XRN2: variants seen among roughly 807,000 people sequenced by gnomAD.
XRN2 encodes DHM1-like protein.
In XRN2, 44 loss-of-function variants were observed where a neutral mutation model predicts 138.5. That is an observed-to-expected ratio of 0.32 (90% CI 0.25 to 0.41). The LOEUF (loss-of-function observed/expected upper bound fraction) is 0.41, where lower values mean the gene tolerates loss of function less well. Among genes scored for constraint, XRN2 ranks in the 10% least tolerant of loss-of-function variants. The pLI is 1.00. For missense variants in XRN2, 937 were observed against 1,169.3 expected (o/e 0.80, Z 2.90); for synonymous variants, 354 against 369.4 (o/e 0.96, Z 0.48).
intron 26 of XRN2, among the ~76,000 whole-genome samples, chr20:21,366,185 T>C (rs2038699666): frequency 7.8e-6 from 1 of 127,634 alleles, no homozygotes; most frequent in South Asian, 2.2e-4. Flanking sequence ...TATAAATATA[T>C]ATTATATTTA....
intron 13 of XRN2, among the ~76,000 whole-genome samples, chr20:21,335,374 AT>A (rs1290083788): frequency 1.3e-5 from 2 of 152,208 alleles, no homozygotes; most frequent in Non-Finnish European, 2.9e-5. Flanking sequence ...AACAACATAT[AT>A]TACTGCTACA....
chr20:21,377,332 G>A (rs1049393449), intron 27 of XRN2, among the ~76,000 whole-genome samples: 4 of 140,006 alleles, frequency 2.9e-5, no homozygotes, highest in African/African-American at 8.3e-5. Flanking sequence ...ATCTCAGCTC[G>A]CTATACCTCT....
At chr20:21,322,507 C>T (rs1035719563) in intron 1 of XRN2, among the ~76,000 whole-genome samples, 3 of 152,094 alleles carry the variant, frequency 2.0e-5, no homozygotes, top group Non-Finnish European at 4.4e-5. Flanking sequence ...ACTCCTGTTG[C>T]CCTGGAACCT....
At chr20:21,347,524 C>T (rs1600698172) in intron 17 of XRN2, among the ~76,000 whole-genome samples, 1 of 152,182 alleles carries the variant, frequency 6.6e-6, no homozygotes, top group Admixed American at 6.5e-5. Flanking sequence ...ACTCTGTTTG[C>T]GTTTTACTCC....
In XRN2 at chr20:21,303,433, G is replaced by A. The variant is rs745502186; in HGVS notation, c.35G>A (p.Arg12His). Residue 12 changes from arginine (R) to histidine (H), a missense_variant, in exon 1 of 30, where the codon CGC (arginine) becomes CAC (histidine). Physicochemically the swap from Arg to His is conservative, Grantham distance 29. Transcript: ENST00000377191. The part of the protein sequence containing the change: ...GVPAFFRWLS[R>H]KYPSIIVNCV... ...CCGGCGTTCTTCCGCTGGCTCAGCC[G>A]CAAGTACCCGTCCATCATAGTCAAC... The A allele has an allele frequency of 5.2e-6, 8 of 1,548,512 alleles. No individual in the cohort carries two copies. The highest frequency in any genetic ancestry group is 1.4e-5 in the African/African-American group (1 of 72,592).
chr20:21,374,063 GAATT>G (rs1354921496), intron 27 of XRN2, among the ~76,000 whole-genome samples: 2 of 152,112 alleles, frequency 1.3e-5, no homozygotes, highest in Non-Finnish European at 2.9e-5. Context: ...AGGACAAAAA[GAATT>G]AATACTATAT....
intron 27 of XRN2, among the ~76,000 whole-genome samples, chr20:21,378,763 C>A (rs2038851964): frequency 6.6e-6 from 1 of 152,138 alleles, no homozygotes; most frequent in Non-Finnish European, 1.5e-5. Context: ...TAATCATTTT[C>A]TTCGTGTAGT....
chr20:21,337,630 C>T (rs770643143), intron 13 of XRN2, among the ~76,000 whole-genome samples: 6 of 152,176 alleles, frequency 3.9e-5, no homozygotes, highest in Admixed American at 6.5e-5. Context: ...GGAGCACCAA[C>T]ATTAACTCAT....
At chr20:21,342,234 C>T (rs2038381355) in intron 15 of XRN2, among the ~76,000 whole-genome samples, 1 of 152,062 alleles carries the variant, frequency 6.6e-6, no homozygotes, top group South Asian at 2.1e-4. Context: ...GGGTTGTAGT[C>T]TCTAATACTT....
chr20:21,327,335 G>C (rs1258571359), intron 3 of XRN2, among the ~76,000 whole-genome samples: 1 of 152,140 alleles, frequency 6.6e-6, no homozygotes, highest in Non-Finnish European at 1.5e-5. Flanking sequence ...CTCTATTAGG[G>C]GGGTAAGGTA....
chr20:21,310,869 C>T (rs574969311), intron 1 of XRN2, among the ~76,000 whole-genome samples: 3 of 152,114 alleles, frequency 2.0e-5, no homozygotes, highest in South Asian at 2.1e-4. Context: ...CTCAGCCTTC[C>T]GAGTAGCTGG....
At chr20:21,321,802 A>G (rs1254207636) in intron 1 of XRN2, among the ~76,000 whole-genome samples, 1 of 152,168 alleles carries the variant, frequency 6.6e-6, no homozygotes, top group African/African-American at 2.4e-5. Context: ...TACCAGTTTC[A>G]CTGGGGAGCA....
intron 28 of XRN2, among the ~76,000 whole-genome samples, 161 bp from the exon 29 acceptor site, chr20:21,386,707 G>C (rs570699347): frequency 3.3e-5 from 5 of 152,154 alleles, no homozygotes; most frequent in Non-Finnish European, 5.9e-5. Context: ...AGATTATACT[G>C]GATATAAGGG....
intron 13 of XRN2, among the ~76,000 whole-genome samples, chr20:21,338,257 C>CA (rs2038323438): frequency 6.6e-6 from 1 of 152,122 alleles, no homozygotes; most frequent in Admixed American, 6.5e-5. Context: ...CCTTGATACT[C>CA]AGGGAAACTT....
At chr20:21,356,550 CT>C (rs780784442) in intron 22 of XRN2, 35 bp from the exon 23 acceptor site, 2 of 1,582,814 alleles carry the variant, frequency 1.3e-6, no homozygotes, top group Non-Finnish European at 1.7e-6. Context: ...GTTTTCCATT[CT>C]TTGCATATGA....
intron 20 of XRN2, among the ~76,000 whole-genome samples, chr20:21,353,282 G>A (rs2038535495): frequency 7.1e-6 from 1 of 140,290 alleles, no homozygotes; most frequent in Admixed American, 7.2e-5. Context: ...AATGTAGTGG[G>A]TAGAAAACAA....
Position 21,333,579 on chromosome 20 carries a change from A to G in XRN2, c.894A>G (p.Glu298=), listed in dbSNP as rs199788463. The G allele has an allele frequency of 1.9e-6, 3 of 1,613,732 alleles. No individual in the cohort carries two copies. Among genetic ancestry groups the G allele is most frequent in the Admixed American group, 1.7e-5 (1 of 60,022 alleles). The stretch of plus-strand genomic sequence containing the variant: ...TTGCCGATAGTCTTCCTTGTGCAGA[A>G]GGAGAGTTTATCTTCCTTCGGCTTA... ...DELADSLPCA[E]GEFIFLRLNV... The change falls in exon 10 of 30, where the codon GAA becomes GAG. Residue 298 remains glutamate (E), a synonymous_variant. Coordinates refer to ENST00000377191, the MANE Select transcript of XRN2 (RefSeq NM_012255.5).
At chr20:21,366,163 T>C (rs1600711391) in intron 26 of XRN2, among the ~76,000 whole-genome samples, 1 of 107,808 alleles carries the variant, frequency 9.3e-6, no homozygotes, top group Non-Finnish European at 1.8e-5. Flanking sequence ...TATTTATAGT[T>C]TATATAATAT....
In XRN2 at chr20:21,368,478, A is replaced by T; in HGVS notation, c.2472A>T (p.Arg824Ser). 1 of 1,613,954 alleles carries T rather than the reference A, an allele frequency of 6.2e-7. No individual in the cohort carries two copies. The highest frequency in any genetic ancestry group is 8.5e-7 in the Non-Finnish European group (1 of 1,179,926). ...AFRTLGHVMP[R>S]GSGTGIYSNA... ...CCTTTTATAGCCATGTGATGCCAAG[A>T]GGCTCAGGAACTGGCATTTACAGCA... The change falls in exon 27 of 30, where the codon AGA (arginine) becomes AGT (serine). Residue 824 changes from arginine (R) to serine (S), a missense_variant. Around this residue, in one of 6 missense-constraint regions of XRN2, gnomAD observed 372 missense variants for 414.4 expected, o/e 0.90. Transcript: ENST00000377191.
Sources: allele counts gnomAD v4.1 joint callset (sites outside exome capture counted in the v4.1 genomes callset), GRCh38; gene constraint gnomAD v4.1.1; regional missense constraint gnomAD v4.1.1; transcripts MANE v1.5; gene names NCBI Gene and HGNC (gene_info 2026-07-23, HGNC 2026-07-21).